CNTNAP2: variants seen among roughly 807,000 people sequenced by gnomAD.
CNTNAP2 encodes contactin associated protein 2, also known as contactin-associated protein-like 2.
Under a neutral mutation model 155.2 loss-of-function variants are expected in CNTNAP2, and 98 were observed. That is an observed-to-expected ratio of 0.63 (90% confidence interval 0.54 to 0.75). The LOEUF (loss-of-function observed/expected upper bound fraction) is 0.75. CNTNAP2 is among the 30% of genes least tolerant of loss of function. The probability of loss-of-function intolerance (pLI) is 0.00; values close to 1 mark genes in which losing one functional copy is unlikely to be tolerated. For missense variants in CNTNAP2, 1,727 were observed against 1,688.1 expected, an observed-to-expected ratio of 1.02 and a Z score of -0.40; for synonymous variants, 651 against 631.2, an observed-to-expected ratio of 1.03 and a Z score of -0.47.
intron 22 of CNTNAP2, among the ~76,000 whole-genome samples, chr7:148,385,292 T>C (rs1799166318): frequency 6.6e-6 from 1 of 152,228 alleles, no homozygotes; most frequent in Non-Finnish European, 1.5e-5. Flanking sequence ...AGGGCACGTA[T>C]GAAGAATTCC....
chr7:146,280,999 A>G (rs1042703391), intron 1 of CNTNAP2, among the ~76,000 whole-genome samples: 10 of 152,288 alleles, frequency 6.6e-5, no homozygotes, highest in East Asian at 1.9e-4. Flanking sequence ...GTGACCGTCA[A>G]TTCCTGGAAA....
intron 21 of CNTNAP2, among the ~76,000 whole-genome samples, chr7:148,310,876 A>G (rs546822871): frequency 1.3e-5 from 2 of 152,268 alleles, no homozygotes; most frequent in South Asian, 4.1e-4. Flanking sequence ...TTCGATTTAC[A>G]TGGTGTGTGA....
chr7:147,645,605 T>C (rs1257505085), intron 13 of CNTNAP2, among the ~76,000 whole-genome samples: 1 of 152,140 alleles, frequency 6.6e-6, no homozygotes, highest in Non-Finnish European at 1.5e-5. Context: ...GACAGAGGGA[T>C]TGCAGGGAGA....
intron 1 of CNTNAP2, among the ~76,000 whole-genome samples, chr7:146,479,142 A>T (rs1199204649): frequency 6.6e-6 from 1 of 152,162 alleles, no homozygotes; most frequent in Non-Finnish European, 1.5e-5. Flanking sequence ...GTGCCTAGGA[A>T]AACAGCCCAA....
intron 9 of CNTNAP2, among the ~76,000 whole-genome samples, chr7:147,386,349 T>A (rs904272728): frequency 3.9e-5 from 6 of 152,198 alleles, no homozygotes; most frequent in African/African-American, 1.2e-4. Flanking sequence ...GATTTTCTTT[T>A]CTATCACATT....
At position 147,709,409 on chromosome 7, in the gene CNTNAP2, A is replaced by C. The variant is rs375809045; in HGVS notation, c.2098+70103A>C. ...CAGCATCTGTTTCCCAGACAACCCA[A>C]CTTGCACAATGTCCTTACAGTAATG... On this transcript the variant is annotated intron_variant, in intron 13 of 23. Transcript: ENST00000361727. Among the ~76,000 whole-genome samples the C allele has an allele frequency of 6.6e-5, 10 of 152,308 alleles. 2 individuals are homozygous for C. Among genetic ancestry groups the C allele is most frequent in the African/African-American group, 2.4e-4 (10 of 41,578 alleles).
intron 21 of CNTNAP2, among the ~76,000 whole-genome samples, chr7:148,323,294 C>G (rs1379208177): frequency 4.0e-5 from 2 of 49,464 alleles, no homozygotes; most frequent in Non-Finnish European, 3.4e-5. Context: ...TTATGGATTT[C>G]TTTTTTTTTT....
intron 19 of CNTNAP2, among the ~76,000 whole-genome samples, chr7:148,223,819 A>G (rs548788863): frequency 6.6e-6 from 1 of 152,236 alleles, no homozygotes; most frequent in Non-Finnish European, 1.5e-5. Context: ...AGGACAGAAA[A>G]GAAAAAAAAG....
intron 1 of CNTNAP2, among the ~76,000 whole-genome samples, chr7:146,360,356 A>G (rs1201396425): frequency 6.6e-6 from 1 of 152,244 alleles, no homozygotes; most frequent in East Asian, 1.9e-4. Flanking sequence ...TAGTTAACTA[A>G]TTCATATTTA....
At chr7:147,228,566 G>A (rs899979128) in intron 8 of CNTNAP2, among the ~76,000 whole-genome samples, 6 of 152,160 alleles carry the variant, frequency 3.9e-5, no homozygotes, top group Non-Finnish European at 8.8e-5. Flanking sequence ...TTCTCATTTA[G>A]ATATAAGATA....
At chr7:147,586,641 C>T (rs1341911282) in intron 12 of CNTNAP2, among the ~76,000 whole-genome samples, 4 of 151,656 alleles carry the variant, frequency 2.6e-5, no homozygotes, top group South Asian at 2.1e-4. Flanking sequence ...AGAAACAAAA[C>T]GGAAATACCC....
At chr7:147,261,025 A>T (rs939307114) in intron 8 of CNTNAP2, among the ~76,000 whole-genome samples, 2 of 152,200 alleles carry the variant, frequency 1.3e-5, no homozygotes, top group Non-Finnish European at 2.9e-5. Flanking sequence ...AACCAGACAC[A>T]TCTCTGTCCA....
At chr7:148,017,230 CA>C (rs1311049414) in intron 15 of CNTNAP2, among the ~76,000 whole-genome samples, 1 of 152,124 alleles carries the variant, frequency 6.6e-6, no homozygotes, top group African/African-American at 2.4e-5. Flanking sequence ...AAATCCTTTC[CA>C]AAATCTGTCA....
intron 18 of CNTNAP2, among the ~76,000 whole-genome samples, chr7:148,213,940 C>T (rs1385877322): frequency 1.3e-5 from 2 of 152,050 alleles, no homozygotes; most frequent in Admixed American, 6.6e-5. Flanking sequence ...AAAAGAAGCA[C>T]GTGAAGTTTG....
chr7:148,110,881 G>A lies in CNTNAP2; in HGVS notation c.2384-7237G>A, dbSNP rs911647276. On this transcript the variant is annotated intron_variant, in intron 15 of 23. Coordinates refer to ENST00000361727, the MANE Select transcript of CNTNAP2 (RefSeq NM_014141.6). ...AAACAGAGGAAATTGACTTAATAAG[G>A]TTGACCCCTCTCCTTAGCCTTCTTC... Among the ~76,000 whole-genome samples the A allele has an allele frequency of 3.9e-5, 6 of 152,290 alleles. 1 individual carries two copies. In the Middle Eastern group the frequency reaches 0.02, roughly 518 times the overall value.
chr7:148,342,836 G>A (rs796955558), intron 21 of CNTNAP2, among the ~76,000 whole-genome samples: 21 of 152,330 alleles, frequency 1.4e-4, no homozygotes, highest in African/African-American at 5.0e-4. Context: ...CAGTGAAAAT[G>A]CTAATCCTAC....
intron 13 of CNTNAP2, among the ~76,000 whole-genome samples, chr7:147,838,109 C>A (rs1378668806): frequency 6.6e-6 from 1 of 152,322 alleles, no homozygotes; most frequent in East Asian, 1.9e-4. Context: ...TTGGGGCTTG[C>A]ACCCTCTGAA....
chr7:147,773,605 ACTGGACTACCTT>A, intron 13 of CNTNAP2, among the ~76,000 whole-genome samples: 2 of 152,314 alleles, frequency 1.3e-5, no homozygotes, highest in South Asian at 4.1e-4. Flanking sequence ...CTATAAAGAA[ACTGGACTACCTT>A]CTAGAAACTT....
chr7:146,326,743 A>G (rs1001499768), intron 1 of CNTNAP2, among the ~76,000 whole-genome samples: 2 of 152,236 alleles, frequency 1.3e-5, no homozygotes, highest in Non-Finnish European at 2.9e-5. Flanking sequence ...TCTGGGCAGC[A>G]CTACTGGCAG....
Sources: gnomAD v4.1 joint callset for allele counts (sites outside exome capture counted in the v4.1 genomes callset) on GRCh38, gnomAD v4.1.1 for gene constraint, MANE v1.5 for transcripts, NCBI Gene and HGNC (gene_info 2026-07-23, HGNC 2026-07-21) for gene names.